The following FRMD3 variants were observed in gnomAD, a reference collection of about 807,000 sequenced individuals.
The protein encoded by FRMD3 is FERM domain containing 3, also known as FERM domain-containing protein 3.
Under a neutral mutation model 70.2 loss-of-function variants are expected in FRMD3, and 33 were observed. The ratio of observed to expected loss-of-function variants is 0.47; its 90% CI spans 0.36 to 0.63. The LOEUF is 0.63. Among genes scored for constraint, FRMD3 ranks in the 20% least tolerant of loss-of-function variants. FRMD3 has a pLI of 0.00. For synonymous variants in FRMD3, 279 were observed against 255.9 expected, an observed-to-expected ratio of 1.09 and a Z score of -0.86; for missense variants, 632 against 711.4, an observed-to-expected ratio of 0.89 and a Z score of 1.27.
Position 83,245,884 on chromosome 9 carries a change from A to C in FRMD3, c.*2034T>G. The stretch of plus-strand genomic sequence containing the variant: ...AGCCATCTGCAAGCTTCCAAAATAA[A>C]TTGTTGAGGATTCCAATCACAGAAA... On this transcript the variant is annotated 3_prime_UTR_variant, in exon 14 of 14. Coordinates refer to ENST00000304195, the MANE Select transcript of FRMD3 (RefSeq NM_174938.6). 1.0e-6 allele frequency: 1 copy of C among 984,254 alleles called. No homozygotes were observed. The highest frequency in any genetic ancestry group is 4.7e-5 in the South Asian group (1 of 21,242). 61.0% of individuals were successfully genotyped at this position (984,254 alleles called of 1,614,324 possible).
chr9:83,348,779 G>C (rs1255199711), intron 4 of FRMD3, among the ~76,000 whole-genome samples: 2 of 152,018 alleles, frequency 1.3e-5, no homozygotes, highest in African/African-American at 4.8e-5. Context: ...CTAAATGACT[G>C]TGAGGAAATT....
chr9:83,283,364 AC>A (rs1383018972), intron 13 of FRMD3, among the ~76,000 whole-genome samples: 1 of 151,940 alleles, frequency 6.6e-6, no homozygotes, highest in Admixed American at 6.6e-5. Context: ...CCCCGTCTCT[AC>A]AAAAAATACA....
rs113871777 is a variant in FRMD3 at position 83,448,677 on chromosome 9, A to G, written c.148-58969T>C. On this transcript the variant is annotated intron_variant, in intron 1 of 13. Transcript: ENST00000304195. ...CCCCTCCCTAAGACCACAGAGCGGGAAAAAAAAATGCTTGAAAGCAGATCT... is the reference window on the plus strand; with the variant it reads ...CCCCTCCCTAAGACCACAGAGCGGGGAAAAAAAATGCTTGAAAGCAGATCT... 4.7e-3 allele frequency among the ~76,000 whole-genome samples: 712 copies of G among 151,544 alleles called. 3 individuals carry two copies. Among genetic ancestry groups the G allele is most frequent in the African/African-American group, 0.016 (676 of 41,278 alleles).
At chr9:83,361,391 G>C (rs944730093) in intron 3 of FRMD3, among the ~76,000 whole-genome samples, 1 of 152,238 alleles carries the variant, frequency 6.6e-6, no homozygotes, top group Non-Finnish European at 1.5e-5. Flanking sequence ...TGGAGATTAT[G>C]ATTAGACAAG....
At chr9:83,432,806 G>A (rs1332695431) in intron 1 of FRMD3, among the ~76,000 whole-genome samples, 1 of 152,074 alleles carries the variant, frequency 6.6e-6, no homozygotes, top group African/African-American at 2.4e-5. Flanking sequence ...TGGTTATGTG[G>A]ACAAATTATA....
intron 1 of FRMD3, among the ~76,000 whole-genome samples, chr9:83,441,523 A>G (rs10780602): frequency 0.57 from 87,207 of 151,978 alleles, 26,174 homozygotes; most frequent in African/African-American, 0.77. Context: ...TTAAAAGCTC[A>G]AGGGCACTGG....
intron 2 of FRMD3, among the ~76,000 whole-genome samples, chr9:83,388,817 C>G (rs796208953): frequency 7.9e-5 from 12 of 152,182 alleles, no homozygotes; most frequent in African/African-American, 2.9e-4. Context: ...CGAAATTAAC[C>G]ACTTTAAAAT....
At chr9:83,462,737 G>A (rs76427039) in intron 1 of FRMD3, among the ~76,000 whole-genome samples, 8,293 of 152,114 alleles carry the variant, frequency 0.055, 370 homozygotes, top group East Asian at 0.16. Flanking sequence ...CAGCAATTTC[G>A]GCTGCCTCCC....
chr9:83,363,553 C>CTTTTTTTTTTTTTTT (rs34789292), intron 3 of FRMD3, among the ~76,000 whole-genome samples: 1 of 113,338 alleles, frequency 8.8e-6, no homozygotes, highest in Non-Finnish European at 1.8e-5. Context: ...GAGACATAGG[C>CTTTTTTTTTTTTTTT]TTTTTTTTTT....
chr9:83,551,042 C>T, the FRMD3 span, among the ~76,000 whole-genome samples: 1 of 152,096 alleles, frequency 6.6e-6, no homozygotes, highest in South Asian at 2.1e-4. Context: ...AGAGGGCATC[C>T]TTCTCTTGTG....
chr9:83,518,177 T>C (rs1829494406), intron 1 of FRMD3, among the ~76,000 whole-genome samples: 1 of 152,148 alleles, frequency 6.6e-6, no homozygotes, highest in Non-Finnish European at 1.5e-5. Flanking sequence ...CATGTTCAAA[T>C]TGGAAGAGAG....
intron 6 of FRMD3, among the ~76,000 whole-genome samples, chr9:83,324,329 AG>A (rs1835926570): frequency 6.6e-6 from 1 of 152,184 alleles, no homozygotes; most frequent in Non-Finnish European, 1.5e-5. Flanking sequence ...AATTCAGAAA[AG>A]TGTACCTATG....
intron 8 of FRMD3, among the ~76,000 whole-genome samples, chr9:83,311,287 G>GA (rs35801668): frequency 0.013 from 1,564 of 121,506 alleles, 15 homozygotes; most frequent in African/African-American, 0.04. Context: ...GAATGGCAGA[G>GA]AAAAAAAAAA....
chr9:83,458,533 G>T (rs901975703), intron 1 of FRMD3, among the ~76,000 whole-genome samples: 2 of 152,214 alleles, frequency 1.3e-5, no homozygotes, highest in Admixed American at 6.5e-5. Context: ...GGTATTGCAT[G>T]TCTAATTACA....
At chr9:83,411,976 C>T (rs896316248) in intron 1 of FRMD3, among the ~76,000 whole-genome samples, 3 of 152,132 alleles carry the variant, frequency 2.0e-5, no homozygotes, top group African/African-American at 7.2e-5. Flanking sequence ...TCTAGCTGCC[C>T]ATCTTGTTTT....
At chr9:83,507,687 CATACATATATATATATAT>C (rs1432651813) in intron 1 of FRMD3, among the ~76,000 whole-genome samples, 1,800 of 46,926 alleles carry the variant, frequency 0.038, 176 homozygotes, top group Non-Finnish European at 0.063. Context: ...AAAAAATATA[CATACATATATATATATAT>C]ATATATATAT....
At chr9:83,422,994 T>C (rs1440333769) in intron 1 of FRMD3, among the ~76,000 whole-genome samples, 1 of 152,156 alleles carries the variant, frequency 6.6e-6, no homozygotes, top group Non-Finnish European at 1.5e-5. Flanking sequence ...TCTCAAGGCC[T>C]CTTCAGGGAA....
intron 13 of FRMD3, among the ~76,000 whole-genome samples, chr9:83,272,892 C>A (rs1180114317): frequency 6.8e-6 from 1 of 146,846 alleles, no homozygotes; most frequent in African/African-American, 2.5e-5. Flanking sequence ...AGTGAGGAGC[C>A]CCTCCGCCCG....
At chr9:83,456,808 T>C (rs1265886181) in intron 1 of FRMD3, among the ~76,000 whole-genome samples, 2 of 152,076 alleles carry the variant, frequency 1.3e-5, no homozygotes, top group Non-Finnish European at 2.9e-5. Flanking sequence ...GGCAAGACCC[T>C]GTCTCTACAA....
Sources: gnomAD v4.1 joint callset for allele counts (sites outside exome capture counted in the v4.1 genomes callset) on GRCh38, gnomAD v4.1.1 for gene constraint, MANE v1.5 for transcripts, NCBI Gene and HGNC (gene_info 2026-07-23, HGNC 2026-07-21) for gene names.